Variants in CSMD1 observed in about 807,000 individuals in gnomAD.
The protein encoded by CSMD1 is CUB and Sushi multiple domains 1.
In CSMD1, 213 loss-of-function variants were observed where a neutral mutation model predicts 417.5. That is an observed-to-expected ratio of 0.51 (90% CI 0.46 to 0.57). The LOEUF is 0.57. Among genes scored for constraint, CSMD1 ranks in the 20% least tolerant of loss-of-function variants. The pLI, the probability that CSMD1 is intolerant of heterozygous loss-of-function variation, is 0.00. For synonymous variants in CSMD1, 2,862 were observed against 1,736.8 expected (o/e 1.65, Z -16.11); for missense variants, 6,923 against 4,529.7 (o/e 1.53, Z -15.17).
chr8:4,314,631 G>T (rs1798817641), intron 3 of CSMD1, among the ~76,000 whole-genome samples: 1 of 150,636 alleles, frequency 6.6e-6, no homozygotes, highest in African/African-American at 2.4e-5. Flanking sequence ...ACACACAAAA[G>T]CAATGTAATG....
At chr8:3,346,001 T>C (rs902750701) in intron 22 of CSMD1, among the ~76,000 whole-genome samples, 29 of 152,340 alleles carry the variant, frequency 1.9e-4, no homozygotes, top group Admixed American at 1.2e-3. Context: ...TGCGTGTATA[T>C]AAAATTTTAG....
chr8:4,840,680 T>C (rs1402034704), intron 1 of CSMD1, among the ~76,000 whole-genome samples: 1 of 152,234 alleles, frequency 6.6e-6, no homozygotes, highest in Non-Finnish European at 1.5e-5. Flanking sequence ...GTGCCTGTTA[T>C]TACTCAGTGC....
chr8:4,399,205 A>G (rs973530886), intron 3 of CSMD1, among the ~76,000 whole-genome samples: 1 of 149,036 alleles, frequency 6.7e-6, no homozygotes, highest in Non-Finnish European at 1.5e-5. Flanking sequence ...GGAATTTACT[A>G]TGTGTTTAAA....
At chr8:3,764,189 G>C (rs1001287162) in intron 5 of CSMD1, among the ~76,000 whole-genome samples, 3 of 152,106 alleles carry the variant, frequency 2.0e-5, no homozygotes, top group Non-Finnish European at 2.9e-5. Context: ...GATTTGCACC[G>C]TACGCATTAG....
chr8:3,592,970 C>T (rs538738294), intron 8 of CSMD1, among the ~76,000 whole-genome samples: 1 of 152,316 alleles, frequency 6.6e-6, no homozygotes, highest in East Asian at 1.9e-4. Context: ...CTGGCCCTCC[C>T]CGCAGGCACC....
At chr8:4,058,002 G>C (rs1222266078) in intron 3 of CSMD1, among the ~76,000 whole-genome samples, 2 of 151,524 alleles carry the variant, frequency 1.3e-5, no homozygotes, top group African/African-American at 2.4e-5. Context: ...CCTTAGGATT[G>C]ACTTGGCAAT....
intron 5 of CSMD1, among the ~76,000 whole-genome samples, chr8:3,816,311 C>T (rs1443864897): frequency 2.0e-5 from 3 of 152,188 alleles, no homozygotes; most frequent in Admixed American, 6.5e-5. Flanking sequence ...GTTTCCCTTG[C>T]TGTGTTTTCA....
intron 5 of CSMD1, among the ~76,000 whole-genome samples, chr8:3,855,821 C>G (rs75951126): frequency 1.3e-5 from 2 of 152,066 alleles, no homozygotes; most frequent in Non-Finnish European, 2.9e-5. Flanking sequence ...TAGGGTATTA[C>G]GTAAACATCT....
At chr8:3,065,606 A>G (rs1812890502) in intron 49 of CSMD1, among the ~76,000 whole-genome samples, 1 of 152,032 alleles carries the variant, frequency 6.6e-6, no homozygotes, top group Non-Finnish European at 1.5e-5. Context: ...AGGAAGATAG[A>G]AAGATAGGAA....
chr8:4,955,348 G>A (rs1367060049), intron 1 of CSMD1, among the ~76,000 whole-genome samples: 5 of 152,012 alleles, frequency 3.3e-5, no homozygotes, highest in Non-Finnish European at 5.9e-5. Context: ...TACTTCCCAT[G>A]CATTTTATGA....
intron 10 of CSMD1, among the ~76,000 whole-genome samples, chr8:3,559,817 G>A (rs1321293418): frequency 6.6e-6 from 1 of 152,128 alleles, no homozygotes; most frequent in Non-Finnish European, 1.5e-5. Context: ...ACAGCTATGA[G>A]GGATTAAAAC....
chr8:4,285,084 G>A (rs1322514154), intron 3 of CSMD1, among the ~76,000 whole-genome samples: 2 of 152,152 alleles, frequency 1.3e-5, no homozygotes, highest in African/African-American at 4.8e-5. Flanking sequence ...TAGTGTGTAG[G>A]AAAGTTTTGC....
chr8:3,468,989 A>C (rs1296569684), intron 11 of CSMD1, 165 bp from the exon 12 acceptor site: 2 of 470,768 alleles, frequency 4.2e-6, no homozygotes, highest in Non-Finnish European at 7.5e-6. Flanking sequence ...ATTAATATTC[A>C]AACATCACTA....
intron 7 of CSMD1, among the ~76,000 whole-genome samples, chr8:3,624,276 T>G (rs992199231): frequency 1.3e-5 from 2 of 152,158 alleles, no homozygotes; most frequent in African/African-American, 2.4e-5. Context: ...GCAAATTTCC[T>G]TCAGCTAAGA....
At chr8:4,226,853 C>T (rs553231736) in intron 3 of CSMD1, among the ~76,000 whole-genome samples, 5 of 152,254 alleles carry the variant, frequency 3.3e-5, no homozygotes, top group African/African-American at 1.2e-4. Flanking sequence ...TGTAGTCTCC[C>T]CCTGTCTTTA....
chr8:4,226,024 T>G (rs182039371), intron 3 of CSMD1, among the ~76,000 whole-genome samples: 2 of 151,600 alleles, frequency 1.3e-5, no homozygotes, highest in African/African-American at 4.8e-5. Flanking sequence ...GAATATTTAG[T>G]TTTACCTACT....
rs373098575 is a variant in CSMD1 at position 3,340,387 on chromosome 8, G to GT, written c.3631+2906dup. ...TGTACCCATTTCTAAAAATGTTAGG[G>GT]TTTTTTTTTATTAAGCTATATATTT... On this transcript the variant is annotated intron_variant, in intron 23 of 69. Transcript: ENST00000635120. 5.9e-3 allele frequency among the ~76,000 whole-genome samples: 888 copies of GT among 151,288 alleles called. 9 individuals are homozygous for GT. The highest frequency in any genetic ancestry group is 0.02 in the African/African-American group (820 of 41,292).
At chr8:3,729,114 A>C (rs1802666014) in intron 6 of CSMD1, among the ~76,000 whole-genome samples, 2 of 152,332 alleles carry the variant, frequency 1.3e-5, no homozygotes, top group South Asian at 4.1e-4. Flanking sequence ...TTTCGAGCTA[A>C]AGTAGACAAC....
chr8:4,681,856 G>A (rs1469692052), intron 1 of CSMD1, among the ~76,000 whole-genome samples: 1 of 152,152 alleles, frequency 6.6e-6, no homozygotes, highest in African/African-American at 2.4e-5. Context: ...GTAAGGTGAG[G>A]AAGGTAACTC....
Sources: allele counts gnomAD v4.1 joint callset (sites outside exome capture counted in the v4.1 genomes callset), GRCh38; gene constraint gnomAD v4.1.1; transcripts MANE v1.5; gene names NCBI Gene and HGNC (gene_info 2026-07-23, HGNC 2026-07-21).